PSMA5: variants seen among roughly 807,000 people sequenced by gnomAD.
PSMA5 encodes the protein proteasome 20S subunit alpha 5.
A neutral mutation model predicts 34.5 loss-of-function variants in PSMA5; 3 were observed. The observed-to-expected ratio is 0.09, with a 90% CI of 0.04 to 0.22. The LOEUF is 0.22. PSMA5 is among the 10% of genes least tolerant of loss of function. PSMA5 has a pLI of 1.00. For synonymous variants in PSMA5, 88 were observed against 95.8 expected (o/e 0.92, Z 0.47); for missense variants, 120 against 286.1 (o/e 0.42, Z 4.19).
At chr1:109,410,202 G>A (rs1557840654) in intron 7 of PSMA5, among the ~76,000 whole-genome samples, 188 bp from the exon 8 acceptor site, 1 of 151,352 alleles carries the variant, frequency 6.6e-6, no homozygotes, top group Admixed American at 6.6e-5. Flanking sequence ...ATTTTTTCAG[G>A]AAAAAAAACC....
At chr1:109,418,343 G>T (rs967783635) in intron 2 of PSMA5, among the ~76,000 whole-genome samples, 3 of 152,050 alleles carry the variant, frequency 2.0e-5, no homozygotes, top group Non-Finnish European at 4.4e-5. Context: ...TTTAGACAGG[G>T]TCTCACTCTG....
chr1:109,413,123 C>T lies in PSMA5; in HGVS notation c.236G>A (p.Ser79Asn). 1.2e-6 allele frequency: 2 copies of T among 1,613,928 alleles called. No individual in the cohort carries two copies. Among genetic ancestry groups the T allele is most frequent in the Non-Finnish European group, 1.7e-6 (2 of 1,179,832 alleles). ...EIDAHIGCAM[S>N]GLIADAKTLI... is the part of the protein sequence containing the mutation. ...AGTCTTAGCATCAGCAATTAGCCCA[C>T]TCATGGCACAACCTGCAATGTAAAA... is the stretch of plus-strand genomic sequence containing the variant. The change falls in exon 4 of 9, where the codon AGT (serine) becomes AAT (asparagine). Residue 79 changes from serine (S) to asparagine (N), a missense_variant. Around this residue, in one of 3 missense-constraint regions of PSMA5, gnomAD observed 83 missense variants for 203.2 expected, o/e 0.41. Coordinates refer to ENST00000271308, the MANE Select transcript of PSMA5 (RefSeq NM_002790.4).
At chr1:109,402,711 TG>T (rs1418686951) in intron 8 of PSMA5, among the ~76,000 whole-genome samples, 2 of 152,216 alleles carry the variant, frequency 1.3e-5, no homozygotes. Flanking sequence ...TGTTTGTTTT[TG>T]GTTTTGTTTT....
At chr1:109,410,060 C>T (rs754195519) in intron 7 of PSMA5, 46 bp from the exon 8 acceptor site, 1 of 1,234,540 alleles carries the variant, frequency 8.1e-7, no homozygotes, top group East Asian at 2.4e-5. Context: ...TATGCACAAT[C>T]CGTCCTTCCT....
Position 109,412,120 on chromosome 1 carries a change from A to C in PSMA5, c.356T>G (p.Leu119Arg). The C allele has an allele frequency of 6.2e-7, 1 of 1,614,152 alleles. No individual in the cohort carries two copies. The highest frequency in any genetic ancestry group is 8.5e-7 in the Non-Finnish European group (1 of 1,179,984). Reference sequence around the variant, plus strand: ...ATCTTCTTCTCCAAACTGCAAAGCCAGATTGGACACAGCTTGGGTCACACT... The same window carrying C: ...ATCTTCTTCTCCAAACTGCAAAGCCCGATTGGACACAGCTTGGGTCACACT... Reference protein sequence around the residue: ...VESVTQAVSNLALQFGEEDAD... With the variant: ...VESVTQAVSNRALQFGEEDAD... The change falls in exon 5 of 9, where the codon CTG becomes CGG. Residue 119 changes from leucine to arginine, a missense_variant. Coordinates refer to ENST00000271308, the MANE Select transcript of PSMA5 (RefSeq NM_002790.4).
chr1:109,413,252 G>A, intron 3 of PSMA5, 117 bp from the exon 4 acceptor site: 1 of 857,214 alleles, frequency 1.2e-6, no homozygotes, highest in Admixed American at 1.9e-5. Context: ...CTATCCCATG[G>A]CATTTTATAC....
At chr1:109,415,084 C>T (rs1654137405) in intron 3 of PSMA5, among the ~76,000 whole-genome samples, 153 bp downstream of exon 3, 1 of 152,184 alleles carries the variant, frequency 6.6e-6, no homozygotes. Context: ...CAACAGCCTC[C>T]TACTCCTACA....
At chr1:109,410,567 C>T (rs1480645756) in intron 7 of PSMA5, among the ~76,000 whole-genome samples, 1 of 152,202 alleles carries the variant, frequency 6.6e-6, no homozygotes, top group Non-Finnish European at 1.5e-5. Flanking sequence ...AAAGAAAATA[C>T]CAAATGCCCA....
chr1:109,399,385 A>C lies in PSMA5; in HGVS notation c.*2628T>G, dbSNP rs2100945332. ...GATTAATTTAAAAAAGATTATTTTT[A>C]AATCTATGCCAACTATGGGAGTAGA... On this transcript the variant is annotated 3_prime_UTR_variant, in exon 9 of 9. Coordinates refer to ENST00000271308, the MANE Select transcript of PSMA5 (RefSeq NM_002790.4). The C allele has an allele frequency of 6.6e-6, 1 of 152,276 alleles. No homozygotes were observed. Among genetic ancestry groups the C allele is most frequent in the East Asian group, 1.9e-4 (1 of 5,194 alleles). The allele number at this position is 152,276 out of a possible 1,614,324, so 9.4% of individuals were successfully genotyped here.
At chr1:109,421,109 C>G (rs1399971885) in intron 2 of PSMA5, among the ~76,000 whole-genome samples, 1 of 151,794 alleles carries the variant, frequency 6.6e-6, no homozygotes, top group Non-Finnish European at 1.5e-5. Context: ...AAAGCTTGAG[C>G]CCAGGAGTTA....
chr1:109,419,795 T>A (rs377024739), intron 2 of PSMA5, among the ~76,000 whole-genome samples: 2 of 89,606 alleles, frequency 2.2e-5, no homozygotes, highest in African/African-American at 1.1e-4. Flanking sequence ...TGAGACTCCG[T>A]CTCAAAAAAA....
chr1:109,409,281 C>T (rs528486861), intron 8 of PSMA5, among the ~76,000 whole-genome samples: 3 of 152,280 alleles, frequency 2.0e-5, no homozygotes, highest in East Asian at 1.9e-4. Flanking sequence ...CTCAGCCTCC[C>T]GAGTAGCTGG....
chr1:109,402,484 G>A (rs576126469), intron 8 of PSMA5, among the ~76,000 whole-genome samples: 59 of 152,316 alleles, frequency 3.9e-4, no homozygotes, highest in African/African-American at 1.2e-3. Flanking sequence ...GCTTGTGTGT[G>A]TGACTTGAGG....
intron 2 of PSMA5, among the ~76,000 whole-genome samples, chr1:109,417,417 G>T (rs1654252628): frequency 6.6e-6 from 1 of 152,176 alleles, no homozygotes; most frequent in African/African-American, 2.4e-5. Context: ...TCTGGAAATG[G>T]AAATGAACAA....
chr1:109,419,689 T>C (rs1436135092), intron 2 of PSMA5, among the ~76,000 whole-genome samples: 3 of 150,454 alleles, frequency 2.0e-5, no homozygotes, highest in African/African-American at 4.9e-5. Context: ...ATCCCAGCTA[T>C]TCAGGAGGCT....
chr1:109,408,012 A>G (rs991524014), intron 8 of PSMA5, among the ~76,000 whole-genome samples: 3 of 152,012 alleles, frequency 2.0e-5, no homozygotes, highest in Non-Finnish European at 4.4e-5. Flanking sequence ...CCCATTCTCA[A>G]TTTTACTGTT....
chr1:109,416,787 C>G (rs1427555741), intron 2 of PSMA5, among the ~76,000 whole-genome samples: 3 of 152,112 alleles, frequency 2.0e-5, no homozygotes, highest in Admixed American at 6.5e-5. Context: ...AGGAGATGAA[C>G]TGTCAAAAAA....
chr1:109,420,917 C>T (rs1421380440), intron 2 of PSMA5, among the ~76,000 whole-genome samples: 1 of 151,222 alleles, frequency 6.6e-6, no homozygotes. Context: ...TGGTGGCTCA[C>T]ACCTGTAAAT....
intron 4 of PSMA5, 33 bp from the exon 5 acceptor site, chr1:109,412,217 T>C (rs899054433): frequency 9.0e-6 from 14 of 1,552,400 alleles, no homozygotes; most frequent in Non-Finnish European, 1.2e-5. Flanking sequence ...TACAACCTTC[T>C]AATAAGGACA....
Sources: allele counts gnomAD v4.1 joint callset (sites outside exome capture counted in the v4.1 genomes callset), GRCh38; gene constraint gnomAD v4.1.1; regional missense constraint gnomAD v4.1.1; transcripts MANE v1.5; gene names NCBI Gene and HGNC (gene_info 2026-07-23, HGNC 2026-07-21).